Variants in CACNA1A observed in about 807,000 individuals in gnomAD.
CACNA1A encodes the protein voltage-dependent P/Q-type calcium channel subunit alpha-1A.
Under a neutral mutation model 262.4 loss-of-function variants are expected in CACNA1A, and 57 were observed. The ratio of observed to expected loss-of-function variants is 0.22; its 90% CI spans 0.18 to 0.27. CACNA1A has a LOEUF of 0.27. Among genes scored for constraint, CACNA1A ranks in the 10% least tolerant of loss-of-function variants. The probability of loss-of-function intolerance (pLI) is 1.00; values close to 1 mark genes in which losing one functional copy is unlikely to be tolerated. For missense variants in CACNA1A, 2,526 were observed against 3,562.8 expected, an observed-to-expected ratio of 0.71 and a Z score of 7.41; for synonymous variants, 1,431 against 1,419.3, an observed-to-expected ratio of 1.01 and a Z score of -0.18.
intron 24 of CACNA1A, 35 bp from the exon 25 acceptor site, chr19:13,262,868 A>G (rs1206694302): frequency 2.1e-6 from 3 of 1,430,254 alleles, no homozygotes; most frequent in Non-Finnish European, 9.8e-7. Flanking sequence ...AGAAGGGAAG[A>G]GAGGAAGCAG....
chr19:13,216,229 A>C (rs981250058), intron 38 of CACNA1A, among the ~76,000 whole-genome samples: 4 of 152,098 alleles, frequency 2.6e-5, no homozygotes, highest in African/African-American at 9.7e-5. Flanking sequence ...ACCTGAGTAC[A>C]TGGGGGGGTT....
At chr19:13,337,012 C>A (rs2058589246) in intron 6 of CACNA1A, among the ~76,000 whole-genome samples, 1 of 152,306 alleles carries the variant, frequency 6.6e-6, no homozygotes, top group Admixed American at 6.5e-5. Flanking sequence ...CCTTTAAAAG[C>A]ATGTATGACA....
rs2054632079 is a variant in CACNA1A at position 13,207,998 on chromosome 19, G to A, written c.6836C>T (p.Pro2279Leu). The change falls in exon 47 of 47, where the codon CCG becomes CTG. Residue 2279 changes from proline (P) to leucine (L), a missense_variant. This residue lies in a region of CACNA1A where 929 missense variants were observed against 868.1 expected (regional missense o/e 1.07). Transcript: ENST00000360228. The surrounding 1 kb of genome is among the most constrained non-coding windows in gnomAD (Gnocchi z 5.7). The stretch of plus-strand genomic sequence containing the variant: ...GGGGAGCTGGCGGCGGCCCCGCCGC[G>A]GAGTGCTGGTACCAGATGTTGAGGG... ...PAPSTSGTSTPRRGRRQLPQT... is the reference protein window; with the variant it reads ...PAPSTSGTSTLRRGRRQLPQT... The A allele has an allele frequency of 3.0e-6, 4 of 1,334,416 alleles. No individual in the cohort carries two copies. The highest frequency in any genetic ancestry group is 1.5e-5 in the African/African-American group (1 of 65,116). 82.7% of individuals were successfully genotyped at this position (1,334,416 alleles called of 1,614,324 possible). A position where few individuals can be genotyped will look rare whatever the true frequency, so the allele number is the denominator to read the frequency against.
In CACNA1A at chr19:13,485,883, C is replaced by G. The variant is rs189633014; in HGVS notation, c.293+20049G>C. 1.8e-4 allele frequency among the ~76,000 whole-genome samples: 28 copies of G among 152,242 alleles called. 1 individual carries two copies. In the Middle Eastern group the frequency reaches 0.01, roughly 55 times the overall value. ...ACAGAGCGATGTGCTCCAGAGAGAC[C>G]CCTGCAAGCGAGCAGCAGAATCCAT... On this transcript the variant is annotated intron_variant, in intron 1 of 46. Coordinates refer to ENST00000360228, the MANE Select transcript of CACNA1A (RefSeq NM_001127222.2).
rs1183097814 is a variant in CACNA1A, at chr19:13,413,895, A to AAGAAAAAG, written c.539+38980_539+38981insCTTTTTCT. 1.5e-3 allele frequency among the ~76,000 whole-genome samples: 173 copies of AAGAAAAAG among 119,218 alleles called. 3 individuals carry two copies. Among genetic ancestry groups the AAGAAAAAG allele is most frequent in the African/African-American group, 6.2e-3 (152 of 24,644 alleles). The allele number at this position is 119,218 out of a possible 152,430, so 78.2% of individuals were successfully genotyped here. On this transcript the variant is annotated intron_variant, in intron 3 of 46. Coordinates refer to ENST00000360228, the MANE Select transcript of CACNA1A (RefSeq NM_001127222.2). The stretch of plus-strand genomic sequence containing the variant: ...GACTCTGTCAAGAAAGAAAGAAAGA[A>AAGAAAAAG]AAAGAAAGAAAGAAAGAAAGAAAGA...
intron 15 of CACNA1A, among the ~76,000 whole-genome samples, chr19:13,304,299 CA>C (rs2057852520): frequency 6.6e-6 from 1 of 151,904 alleles, no homozygotes; most frequent in Non-Finnish European, 1.5e-5. Context: ...TAGATGAGGT[CA>C]TGGGGGACTT....
At position 13,208,005 on chromosome 19, in the gene CACNA1A, T is replaced by C; in HGVS notation, c.6829A>G (p.Ser2277Gly). The C allele has an allele frequency of 3.8e-6, 5 of 1,322,528 alleles. No individual in the cohort carries two copies. Among genetic ancestry groups the C allele is most frequent in the Non-Finnish European group, 4.8e-6 (5 of 1,041,172 alleles). 81.9% of individuals were successfully genotyped at this position (1,322,528 alleles called of 1,614,324 possible). A position where few individuals can be genotyped will look rare whatever the true frequency, so the allele number is the denominator to read the frequency against. ...GSPAPSTSGT[S>G]TPRRGRRQLP... ...TGGCGGCGGCCCCGCCGCGGAGTGC[T>C]GGTACCAGATGTTGAGGGGGCTGGG... The change falls in exon 47 of 47, where the codon AGC becomes GGC. Residue 2277 changes from serine (S) to glycine (G), a missense_variant. Physicochemically the swap from Ser to Gly is moderately conservative, Grantham distance 56. This residue lies in a region of CACNA1A where 929 missense variants were observed against 868.1 expected (regional missense o/e 1.07). Transcript: ENST00000360228.
intron 21 of CACNA1A, 98 bp downstream of exon 21, chr19:13,284,970 G>T: frequency 8.6e-7 from 1 of 1,167,106 alleles, no homozygotes; most frequent in Non-Finnish European, 1.3e-6. Flanking sequence ...TGGACTCATG[G>T]TGGTCAACAC....
intron 1 of CACNA1A, among the ~76,000 whole-genome samples, chr19:13,481,797 C>T (rs138120091): frequency 1.3e-5 from 2 of 152,196 alleles, no homozygotes; most frequent in Admixed American, 6.5e-5. Flanking sequence ...CCTGAGGGAC[C>T]GTTTCTAGGT....
chr19:13,343,249 T>C (rs1387243728), intron 6 of CACNA1A, among the ~76,000 whole-genome samples: 1 of 151,806 alleles, frequency 6.6e-6, no homozygotes, highest in African/African-American at 2.4e-5. Flanking sequence ...GCCTCCAGAG[T>C]AGCTGGGATT....
intron 3 of CACNA1A, among the ~76,000 whole-genome samples, chr19:13,431,283 G>C (rs2060498915): frequency 6.6e-6 from 1 of 152,048 alleles, no homozygotes; most frequent in African/African-American, 2.4e-5. Flanking sequence ...CAGCAAAGAT[G>C]GGGGCTGGAC....
chr19:13,349,041 G>A (rs1426756446), intron 6 of CACNA1A, among the ~76,000 whole-genome samples: 2 of 144,944 alleles, frequency 1.4e-5, no homozygotes, highest in South Asian at 2.2e-4. Flanking sequence ...GAGACAAAGA[G>A]AGAGAGGGAA....
chr19:13,482,465 AGAGT>A (rs1979442804), intron 1 of CACNA1A, among the ~76,000 whole-genome samples: 1 of 148,626 alleles, frequency 6.7e-6, no homozygotes, highest in African/African-American at 2.5e-5. Context: ...CTTGGGTGAC[AGAGT>A]GAGACTCCGT....
intron 19 of CACNA1A, among the ~76,000 whole-genome samples, chr19:13,290,079 C>G (rs1295590811): frequency 4.6e-5 from 7 of 151,366 alleles, no homozygotes; most frequent in Non-Finnish European, 5.9e-5. Context: ...CAGGCCTGTG[C>G]CACCACACCC....
chr19:13,375,908 A>C (rs1244588050), intron 3 of CACNA1A, among the ~76,000 whole-genome samples: 1 of 152,238 alleles, frequency 6.6e-6, no homozygotes, highest in Non-Finnish European at 1.5e-5. Context: ...ATGAATGATA[A>C]GAAAGTAAGA....
intron 27 of CACNA1A, 188 bp downstream of exon 27, chr19:13,259,376 T>C: frequency 4.9e-6 from 1 of 204,032 alleles, no homozygotes. Flanking sequence ...TTTGCCATGA[T>C]GGCCAGGCTG....
chr19:13,356,593 C>T (rs2059011069), intron 6 of CACNA1A, among the ~76,000 whole-genome samples: 1 of 152,196 alleles, frequency 6.6e-6, no homozygotes, highest in Non-Finnish European at 1.5e-5. Context: ...GGCACGCCCC[C>T]AGCATCTTAA....
chr19:13,410,978 A>C (rs2060100723), intron 3 of CACNA1A, among the ~76,000 whole-genome samples: 1 of 152,044 alleles, frequency 6.6e-6, no homozygotes, highest in Admixed American at 6.6e-5. Flanking sequence ...TCCTGCATCT[A>C]TGCCCTTATT....
At chr19:13,339,603 G>A (rs2058640763) in intron 6 of CACNA1A, among the ~76,000 whole-genome samples, 1 of 152,132 alleles carries the variant, frequency 6.6e-6, no homozygotes, top group Non-Finnish European at 1.5e-5. Context: ...ATAAAGGTCT[G>A]AGAAGATGGA....
Sources: allele counts gnomAD v4.1 joint callset (sites outside exome capture counted in the v4.1 genomes callset), GRCh38; gene constraint gnomAD v4.1.1; regional missense constraint gnomAD v4.1.1; non-coding constraint Gnocchi (gnomAD v3.1); transcripts MANE v1.5; gene names NCBI Gene and HGNC (gene_info 2026-07-23, HGNC 2026-07-21).